Variants in SLC13A2 observed in about 807,000 individuals in gnomAD.
SLC13A2 encodes the protein Na(+)-coupled citrate transporter.
In SLC13A2, 40 loss-of-function variants were observed where a neutral mutation model predicts 58.5. That is an observed-to-expected ratio of 0.68 (90% CI 0.53 to 0.89). The LOEUF is 0.89. Among genes scored for constraint, SLC13A2 ranks in the 40% least tolerant of loss-of-function variants. The pLI is 0.00. For synonymous variants in SLC13A2, 341 were observed against 331.6 expected (o/e 1.03, Z -0.31); for missense variants, 694 against 772.6 (o/e 0.90, Z 1.21).
At chr17:28,480,497 G>A (rs947991114) in intron 1 of SLC13A2, among the ~76,000 whole-genome samples, 1 of 152,178 alleles carries the variant, frequency 6.6e-6, no homozygotes, top group African/African-American at 2.4e-5. Flanking sequence ...CCTCAGCTGA[G>A]ATAGCAGAGT....
At chr17:28,474,993 G>A (rs2068646467) in intron 1 of SLC13A2, among the ~76,000 whole-genome samples, 1 of 152,172 alleles carries the variant, frequency 6.6e-6, no homozygotes, top group Non-Finnish European at 1.5e-5. Context: ...CCTGACACCT[G>A]GTCAGTAACA....
chr17:28,495,665 T>C lies in SLC13A2; in HGVS notation c.1319T>C (p.Leu440Pro), dbSNP rs1555604482. The change falls in exon 10 of 12, where the codon CTG (leucine) becomes CCG (proline). Residue 440 changes from leucine (L) to proline (P), a missense_variant. Coordinates refer to ENST00000314669, the MANE Select transcript of SLC13A2 (RefSeq NM_003984.4). ...CTCCTCTGCCCACAGCGATCGGGCC[T>C]GTCAGAGTGGCTGGGAAACAAGCTG... is the stretch of plus-strand genomic sequence containing the variant. ...ALAKGSERSGLSEWLGNKLTP... is the reference protein window; with the variant it reads ...ALAKGSERSGPSEWLGNKLTP... The C allele has an allele frequency of 1.2e-6, 2 of 1,610,630 alleles. No homozygotes were observed. The highest frequency in any genetic ancestry group is 1.3e-5 in the African/African-American group (1 of 74,918).
intron 1 of SLC13A2, among the ~76,000 whole-genome samples, chr17:28,477,097 T>C (rs2151442256): frequency 6.6e-6 from 1 of 150,710 alleles, no homozygotes; most frequent in South Asian, 2.1e-4. Flanking sequence ...GAGGAGGAGG[T>C]TGCAGTGAGC....
intron 1 of SLC13A2, among the ~76,000 whole-genome samples, chr17:28,475,897 CATCTCTATGCCAATGAGTT>C (rs1555599815): frequency 1.3e-5 from 2 of 152,286 alleles, no homozygotes; most frequent in African/African-American, 4.8e-5. Context: ...CTTTAAAAAG[CATCTCTATGCCAATGAGTT>C]ATCAATCTGT....
Position 28,493,598 on chromosome 17 carries a change from A to G in SLC13A2, c.906A>G (p.Glu302=), listed in dbSNP as rs781999696. ...TCCGGAAGAACTTTGGCATTGGGGAAAAGATGCAGGAGCAACAGCAGGCAG... is the reference window on the plus strand; with the variant it reads ...TCCGGAAGAACTTTGGCATTGGGGAGAAGATGCAGGAGCAACAGCAGGCAG... ...FNFRKNFGIG[E]KMQEQQQAAY... Residue 302 remains glutamate, a synonymous_variant, in exon 7 of 12, where the codon GAA becomes GAG. Transcript: ENST00000314669. 1.2e-6 allele frequency: 2 copies of G among 1,607,520 alleles called. No homozygotes were observed. Among genetic ancestry groups the G allele is most frequent in the East Asian group, 4.5e-5 (2 of 44,640 alleles).
At position 28,493,669 on chromosome 17, in the gene SLC13A2, C is replaced by G. The variant is rs781798166; in HGVS notation, c.977C>G (p.Thr326Ser). The G allele has an allele frequency of 1.9e-6, 3 of 1,614,246 alleles. No individual in the cohort carries two copies. Among genetic ancestry groups the G allele is most frequent in the East Asian group, 4.5e-5 (2 of 44,888 alleles). ...QTEHRLLGPM[T>S]FAEKAISILF... ...GAGCACAGGCTGCTGGGCCCCATGA[C>G]CTTTGCAGAAAAGGCCATCAGCATC... The change falls in exon 7 of 12, where the codon ACC becomes AGC. Residue 326 changes from threonine to serine, a missense_variant. Coordinates refer to ENST00000314669, the MANE Select transcript of SLC13A2 (RefSeq NM_003984.4).
At chr17:28,481,478 T>C (rs782306766) in intron 1 of SLC13A2, among the ~76,000 whole-genome samples, 17 of 152,190 alleles carry the variant, frequency 1.1e-4, no homozygotes, top group Middle Eastern at 3.2e-3. Flanking sequence ...CAGTGCATGC[T>C]GTTGGGCACA....
Position 28,494,756 on chromosome 17 carries a change from G to T in SLC13A2, c.1308+244G>T, listed in dbSNP as rs1555604325. On this transcript the variant is annotated intron_variant, in intron 9 of 11. Coordinates refer to ENST00000314669, the MANE Select transcript of SLC13A2 (RefSeq NM_003984.4). This position sits in a 1 kb window ranked among gnomAD's most constrained non-coding sequence, Gnocchi z 4.0. ...AGTCCAAGGGAAGGCAGGATTCTCT[G>T]GTGGGCAGAGCCTGTTCTCAGAGAC... 6.6e-6 allele frequency among the ~76,000 whole-genome samples: 1 copy of T among 152,142 alleles called. No homozygotes were observed. Among genetic ancestry groups the T allele is most frequent in the East Asian group, 1.9e-4 (1 of 5,180 alleles).
At chr17:28,493,955 C>T in intron 7 of SLC13A2, 62 bp from the exon 8 acceptor site, 6 of 1,535,466 alleles carry the variant, frequency 3.9e-6, no homozygotes, top group Non-Finnish European at 5.4e-6. Context: ...ACCCTCCACC[C>T]TGTGGCCCTG....
chr17:28,481,551 C>T (rs1382572173), intron 1 of SLC13A2, among the ~76,000 whole-genome samples: 2 of 152,188 alleles, frequency 1.3e-5, no homozygotes, highest in African/African-American at 2.4e-5. Context: ...GAGCACATTT[C>T]GCTTTCTGGG....
chr17:28,494,223 T>G lies in SLC13A2; in HGVS notation c.1186+118T>G. 6.7e-7 allele frequency: 1 copy of G among 1,482,310 alleles called. No homozygotes were observed. The highest frequency in any genetic ancestry group is 9.3e-7 in the Non-Finnish European group (1 of 1,069,582). The allele number at this position is 1,482,310 out of a possible 1,614,324, so 91.8% of individuals were successfully genotyped here. A position where few individuals can be genotyped will look rare whatever the true frequency, so the allele number is the denominator to read the frequency against. ...CAAAGCCCAGAAAGGCTGGAGCGAC[T>G]TGCCAAGGGCACAGGGACTCGGAGA... On this transcript the variant is annotated intron_variant, in intron 8 of 11. Coordinates refer to ENST00000314669, the MANE Select transcript of SLC13A2 (RefSeq NM_003984.4). The surrounding 1 kb of genome is among the most constrained non-coding windows in gnomAD (Gnocchi z 4.0).
At chr17:28,493,472 C>T (rs782460452) in intron 6 of SLC13A2, 99 bp from the exon 7 acceptor site, 20 of 980,652 alleles carry the variant, frequency 2.0e-5, no homozygotes, top group Non-Finnish European at 2.9e-5. Context: ...CCCTGAGATG[C>T]CCTCTGTGGG....
chr17:28,475,547 T>G (rs977500306), intron 1 of SLC13A2, among the ~76,000 whole-genome samples: 2 of 152,210 alleles, frequency 1.3e-5, no homozygotes, highest in Non-Finnish European at 2.9e-5. Context: ...AGTGCCTCTT[T>G]CTCTGCTCTC....
chr17:28,475,233 G>A (rs1457068544), intron 1 of SLC13A2, among the ~76,000 whole-genome samples: 1 of 152,190 alleles, frequency 6.6e-6, no homozygotes, highest in African/African-American at 2.4e-5. Context: ...CTGAGTCAGT[G>A]CTAGAAGCCA....
At chr17:28,483,370 A>G (rs1555601451) in intron 1 of SLC13A2, among the ~76,000 whole-genome samples, 1 of 152,160 alleles carries the variant, frequency 6.6e-6, no homozygotes, top group African/African-American at 2.4e-5. Flanking sequence ...GCTCACACCT[A>G]TAATCCCAGT....
chr17:28,491,348 A>G (rs1260706025), intron 4 of SLC13A2, 89 bp from the exon 5 acceptor site: 3 of 1,442,064 alleles, frequency 2.1e-6, no homozygotes, highest in African/African-American at 2.8e-5. Context: ...GTTCACAGAC[A>G]AGGTACCCTG....
chr17:28,491,745 C>T lies in SLC13A2; in HGVS notation c.771C>T (p.Asn257=), dbSNP rs117154964. 60 of 1,614,148 alleles carry T rather than the reference C, an allele frequency of 3.7e-5. No homozygotes were observed. The East Asian group carries it at 6.7e-4, about 18-fold the overall frequency. ...CCTCCTTCAGGCTCTTCCCCCAAAA[C>T]GGCAACGTGGTGAACTTCGCCTCCT... is the stretch of plus-strand genomic sequence containing the variant. ...QGQINSLFPQ[N]GNVVNFASWF... The change falls in exon 6 of 12, where the codon AAC becomes AAT. Residue 257 remains asparagine, a synonymous_variant. Transcript: ENST00000314669.
Position 28,491,355 on chromosome 17 carries a change from C to T in SLC13A2, c.575-82C>T, listed in dbSNP as rs544101850. 250 of 1,483,738 alleles carry T rather than the reference C, an allele frequency of 1.7e-4. No homozygotes were observed. The Middle Eastern group carries it at 2.8e-3, about 16-fold the overall frequency. The allele number at this position is 1,483,738 out of a possible 1,614,324, so 91.9% of individuals were successfully genotyped here. Reference sequence around the variant, plus strand: ...TCTGGGCTGTTCACAGACAAGGTACCCTGGAGGGCCTTGCAGCCCTGGCCC... The same window carrying T: ...TCTGGGCTGTTCACAGACAAGGTACTCTGGAGGGCCTTGCAGCCCTGGCCC... On this transcript the variant is annotated intron_variant, in intron 4 of 11. Transcript: ENST00000314669.
intron 1 of SLC13A2, 67 bp downstream of exon 1, chr17:28,473,881 T>A: frequency 7.3e-7 from 1 of 1,374,556 alleles, no homozygotes; most frequent in Non-Finnish European, 1.0e-6. Flanking sequence ...TGGGCCGGGG[T>A]TGGGCATCCT....
Sources: allele counts gnomAD v4.1 joint callset (sites outside exome capture counted in the v4.1 genomes callset), GRCh38; gene constraint gnomAD v4.1.1; non-coding constraint Gnocchi (gnomAD v3.1); transcripts MANE v1.5; gene names NCBI Gene and HGNC (gene_info 2026-07-23, HGNC 2026-07-21).